ANKRD42: variants seen among roughly 807,000 people sequenced by gnomAD.
The protein encoded by ANKRD42 is ankyrin repeat domain-containing protein 42.
In ANKRD42, 43 loss-of-function variants were observed where a neutral mutation model predicts 51.5. The ratio of observed to expected loss-of-function variants is 0.83; its 90% CI spans 0.65 to 1.08. The LOEUF is 1.08. Ranked by LOEUF, ANKRD42 falls within the 50% of genes least tolerant of loss-of-function variation. The probability of loss-of-function intolerance (pLI) is 0.00; values close to 1 mark genes in which losing one functional copy is unlikely to be tolerated. For missense variants in ANKRD42, 608 were observed against 629.3 expected (o/e 0.97, Z 0.36); for synonymous variants, 203 against 213.0 (o/e 0.95, Z 0.41).
chr11:83,237,228 A>G (rs1430101949), intron 8 of ANKRD42, among the ~76,000 whole-genome samples: 3 of 152,208 alleles, frequency 2.0e-5, no homozygotes, highest in Non-Finnish European at 4.4e-5. Context: ...TCTAATCATT[A>G]TACTGTATTA....
intron 5 of ANKRD42, chr11:83,213,262 A>C (rs1862399077): frequency 1.3e-6 from 2 of 1,597,226 alleles, no homozygotes; most frequent in African/African-American, 2.7e-5. Flanking sequence ...AGGAGCTGGA[A>C]GTGCTGCTGA....
At chr11:83,209,862 A>G (rs1468908704) in intron 3 of ANKRD42, 19 of 485,488 alleles carry the variant, frequency 3.9e-5, no homozygotes, top group Admixed American at 3.5e-5. Context: ...CCTCAGCTGA[A>G]TATGACCCCA....
At chr11:83,237,464 C>G (rs930711252) in intron 8 of ANKRD42, among the ~76,000 whole-genome samples, 1 of 152,108 alleles carries the variant, frequency 6.6e-6, no homozygotes, top group South Asian at 2.1e-4. Flanking sequence ...AAGACAACAC[C>G]TTATATGTTT....
chr11:83,201,423 T>C (rs1861868659), intron 2 of ANKRD42, among the ~76,000 whole-genome samples: 1 of 152,222 alleles, frequency 6.6e-6, no homozygotes, highest in African/African-American at 2.4e-5. Context: ...TGGTTCCAAG[T>C]CTTTGCTATT....
In ANKRD42 at chr11:83,194,493, CG is replaced by C; in HGVS notation, c.-177del. On this transcript the variant is annotated 5_prime_UTR_variant, in exon 1 of 11. Coordinates refer to ENST00000533342, the MANE Select transcript of ANKRD42 (RefSeq NM_001300975.2). ...GCTTTTGGGAGAGAGAAAGTGAAGA[CG>C]AAGGTTTCCGCTGCAGCTTCTGGGA... The C allele has an allele frequency of 1.4e-6, 1 of 718,588 alleles. No homozygotes were observed. The highest frequency in any genetic ancestry group is 1.5e-5 in the South Asian group (1 of 67,234). 44.5% of individuals were successfully genotyped at this position (718,588 alleles called of 1,614,324 possible).
At chr11:83,247,831 T>C (rs1863587405) in intron 10 of ANKRD42, 112 bp from the exon 11 acceptor site, 1 of 933,562 alleles carries the variant, frequency 1.1e-6, no homozygotes, top group Non-Finnish European at 1.6e-6. Context: ...GTTGAATAAA[T>C]GATTTCTTTG....
chr11:83,248,498 A>G lies in ANKRD42; in HGVS notation c.*294A>G, dbSNP rs775303603. 1.7e-4 allele frequency: 183 copies of G among 1,054,474 alleles called. No homozygotes were observed. Among genetic ancestry groups the G allele is most frequent in the Non-Finnish European group, 2.0e-4 (177 of 875,176 alleles). The allele number at this position is 1,054,474 out of a possible 1,614,324, so 65.3% of individuals were successfully genotyped here. On this transcript the variant is annotated 3_prime_UTR_variant, in exon 11 of 11. Transcript: ENST00000533342. ...ATTCTAAGACAGCTAGAGGATATGT[A>G]TATTTTAATATTCTAAATAACCAAA... is the stretch of plus-strand genomic sequence containing the variant.
chr11:83,252,127 A>G (rs532620055), downstream of ANKRD42, among the ~76,000 whole-genome samples: 2 of 152,382 alleles, frequency 1.3e-5, no homozygotes, highest in East Asian at 3.9e-4. Context: ...ACAAAAGAAG[A>G]TATCCAAGTG....
Position 83,248,277 on chromosome 11 carries a change from G to C in ANKRD42, c.*73G>C. ...ATGATAACTTATACTTTCTAGAGCT[G>C]ATGACAGGATTAAAGGAATACACAC... On this transcript the variant is annotated 3_prime_UTR_variant, in exon 11 of 11. Transcript: ENST00000533342. The C allele has an allele frequency of 1.4e-6, 2 of 1,413,080 alleles. No homozygotes were observed. Among genetic ancestry groups the C allele is most frequent in the South Asian group, 3.1e-5 (2 of 65,086 alleles). The allele number at this position is 1,413,080 out of a possible 1,614,324, so 87.5% of individuals were successfully genotyped here. A position where few individuals can be genotyped will look rare whatever the true frequency, so the allele number is the denominator to read the frequency against.
chr11:83,210,217 G>A, intron 3 of ANKRD42, 83 bp from the exon 4 acceptor site: 11 of 1,349,168 alleles, frequency 8.2e-6, no homozygotes, highest in East Asian at 4.7e-5. Flanking sequence ...TTAATAAATT[G>A]CTTGCCTTTG....
intron 1 of ANKRD42, 30 bp downstream of exon 1, chr11:83,194,758 C>G (rs1027413974): frequency 6.5e-7 from 1 of 1,539,876 alleles, no homozygotes; most frequent in South Asian, 1.3e-5. Flanking sequence ...GCCTTCATCT[C>G]TGTCGTATTC....
intron 5 of ANKRD42, chr11:83,212,772 G>A (rs1862374989): frequency 2.6e-6 from 4 of 1,517,190 alleles, no homozygotes; most frequent in Non-Finnish European, 3.5e-6. Context: ...TACTGTCCAG[G>A]ATCATTTTGT....
At chr11:83,251,374 G>A (rs1040926950), downstream of ANKRD42, among the ~76,000 whole-genome samples, 6 of 152,226 alleles carry the variant, frequency 3.9e-5, no homozygotes, top group African/African-American at 2.4e-5. Flanking sequence ...AGTTTTATAA[G>A]ATCACTTAAC....
At chr11:83,214,909 CCAAT>C (rs957654485) in intron 5 of ANKRD42, 5 of 152,194 alleles carry the variant, frequency 3.3e-5, no homozygotes, top group South Asian at 2.1e-4. Flanking sequence ...TTGGTAATCG[CCAAT>C]CAATCTACTC....
chr11:83,197,104 T>C (rs1861689261), intron 1 of ANKRD42, among the ~76,000 whole-genome samples: 1 of 152,194 alleles, frequency 6.6e-6, no homozygotes, highest in Admixed American at 6.5e-5. Context: ...TATGTGTACA[T>C]GTGCACACCT....
At chr11:83,219,719 G>T (rs910151049) in intron 5 of ANKRD42, among the ~76,000 whole-genome samples, 1 of 152,234 alleles carries the variant, frequency 6.6e-6, no homozygotes, top group African/African-American at 2.4e-5. Context: ...TTGTACTTGA[G>T]AGGCCCCAAG....
rs143168605 is a variant in ANKRD42 at position 83,210,396 on chromosome 11, C to A, written c.427C>A (p.Gln143Lys). Residue 143 changes from glutamine to lysine, a missense_variant, in exon 4 of 11, where the codon CAA (glutamine) becomes AAA (lysine). Gln to Lys is a moderately conservative substitution (Grantham distance 53). Coordinates refer to ENST00000533342, the MANE Select transcript of ANKRD42 (RefSeq NM_001300975.2). ...AACTCATGGACATTCTTTCACTTTA[C>A]AAATAATGCTCCGAAGTGGAGTGGT... ...AATHGHSFTLQIMLRSGVDPS... is the reference protein window; with the variant it reads ...AATHGHSFTLKIMLRSGVDPS... The A allele has an allele frequency of 6.2e-7, 1 of 1,613,994 alleles. No individual in the cohort carries two copies. Among genetic ancestry groups the A allele is most frequent in the African/African-American group, 1.3e-5 (1 of 75,062 alleles).
chr11:83,210,240 C>G, intron 3 of ANKRD42, 60 bp from the exon 4 acceptor site: 1 of 1,527,514 alleles, frequency 6.5e-7, no homozygotes, highest in Non-Finnish European at 9.0e-7. Flanking sequence ...TAATCTGCAT[C>G]TGCATTTATG....
At chr11:83,205,814 G>C (rs1862048630) in intron 2 of ANKRD42, among the ~76,000 whole-genome samples, 1 of 152,126 alleles carries the variant, frequency 6.6e-6, no homozygotes, top group African/African-American at 2.4e-5. Flanking sequence ...ATTGAGTAGT[G>C]TCTACACCTT....
Sources: gnomAD v4.1 joint callset for allele counts (sites outside exome capture counted in the v4.1 genomes callset) on GRCh38, gnomAD v4.1.1 for gene constraint, MANE v1.5 for transcripts, NCBI Gene and HGNC (gene_info 2026-07-23, HGNC 2026-07-21) for gene names.